MMP26: variants seen among roughly 807,000 people sequenced by gnomAD.
MMP26 encodes matrix metalloproteinase-26.
In MMP26, 33 loss-of-function variants were observed where a neutral mutation model predicts 31.0. The ratio of observed to expected loss-of-function variants is 1.06; its 90% confidence interval spans 0.81 to 1.42. The LOEUF (loss-of-function observed/expected upper bound fraction) is 1.42, where lower values mean the gene tolerates loss of function less well. MMP26 is among the 40% of genes most tolerant of loss of function. The probability of loss-of-function intolerance (pLI) is 0.00; values close to 1 mark genes in which losing one functional copy is unlikely to be tolerated. For synonymous variants in MMP26, 122 were observed against 114.9 expected, an observed-to-expected ratio of 1.06 and a Z score of -0.40; for missense variants, 347 against 316.1, an observed-to-expected ratio of 1.10 and a Z score of -0.74.
At chr11:4,731,754 A>C (rs1750421574) in intron 1 of MMP26, among the ~76,000 whole-genome samples, 1 of 152,202 alleles carries the variant, frequency 6.6e-6, no homozygotes, top group Non-Finnish European at 1.5e-5. Context: ...ATTTCCTGTC[A>C]ATTCATAGCC....
At chr11:4,923,783 A>G (rs1851223017) in intron 2 of MMP26, 1 of 1,614,064 alleles carries the variant, frequency 6.2e-7, no homozygotes, top group Non-Finnish European at 8.5e-7. Flanking sequence ...CAGCTTCATG[A>G]TCTCCAGGTG....
intron 2 of MMP26, chr11:4,848,189 C>G (rs1260567321): frequency 1.9e-6 from 3 of 1,539,056 alleles, no homozygotes; most frequent in Admixed American, 4.1e-5. Flanking sequence ...CTCACAGAAA[C>G]TTTAGTATCA....
intron 2 of MMP26, among the ~76,000 whole-genome samples, chr11:4,793,110 AC>A (rs1417668413): frequency 6.6e-6 from 1 of 152,214 alleles, no homozygotes; most frequent in Non-Finnish European, 1.5e-5. Context: ...AGCAGTATCT[AC>A]AACAAGACTA....
At chr11:4,942,058 C>G (rs1846215558) in intron 2 of MMP26, among the ~76,000 whole-genome samples, 1 of 110,050 alleles carries the variant, frequency 9.1e-6, no homozygotes, top group East Asian at 2.7e-4. Flanking sequence ...GTGCTCTGCT[C>G]CAGCCTGGGC....
intron 2 of MMP26, among the ~76,000 whole-genome samples, chr11:4,942,110 A>AAAAAAG (rs1846218904): frequency 7.2e-6 from 1 of 138,594 alleles, no homozygotes; most frequent in South Asian, 2.4e-4. Context: ...AAAAAAAAAA[A>AAAAAAG]GGAAGTAAAA....
chr11:4,804,964 C>CT (rs1564913984), intron 2 of MMP26, among the ~76,000 whole-genome samples: 3 of 146,240 alleles, frequency 2.1e-5, no homozygotes, highest in Non-Finnish European at 4.5e-5. Context: ...AGCGAAACCG[C>CT]CTCAAAAAAA....
At chr11:4,863,485 A>T (rs1044350802) in intron 2 of MMP26, 1 of 152,146 alleles carries the variant, frequency 6.6e-6, no homozygotes, top group African/African-American at 2.4e-5. Context: ...TCTATACACT[A>T]TTCTCATCTG....
intron 1 of MMP26, among the ~76,000 whole-genome samples, chr11:4,743,555 G>C (rs1589888751): frequency 6.6e-6 from 1 of 152,006 alleles, no homozygotes; most frequent in African/African-American, 2.4e-5. Context: ...AATCTCTTTA[G>C]GGAAATTAAT....
At chr11:4,788,855 G>A (rs971274936) in intron 2 of MMP26, among the ~76,000 whole-genome samples, 3 of 152,146 alleles carry the variant, frequency 2.0e-5, no homozygotes, top group African/African-American at 7.2e-5. Flanking sequence ...AATGTTGTCA[G>A]CATGTATTGA....
At chr11:4,856,559 C>G (rs1217789000) in intron 2 of MMP26, among the ~76,000 whole-genome samples, 1 of 152,176 alleles carries the variant, frequency 6.6e-6, no homozygotes, top group African/African-American at 2.4e-5. Flanking sequence ...CAGGAGCACC[C>G]AGATTCATAA....
intron 2 of MMP26, among the ~76,000 whole-genome samples, chr11:4,774,544 T>C (rs773458017): frequency 1.3e-5 from 2 of 152,146 alleles, no homozygotes; most frequent in Non-Finnish European, 2.9e-5. Context: ...GTTGGATGAA[T>C]AGATGGCAAA....
chr11:4,774,980 G>T (rs1848771914), intron 2 of MMP26, among the ~76,000 whole-genome samples: 1 of 152,018 alleles, frequency 6.6e-6, no homozygotes, highest in East Asian at 1.9e-4. Context: ...CTGATCCATT[G>T]GTCTATGTGT....
intron 1 of MMP26, among the ~76,000 whole-genome samples, chr11:4,754,234 C>T (rs1255052322): frequency 6.6e-6 from 1 of 151,470 alleles, no homozygotes; most frequent in Non-Finnish European, 1.5e-5. Context: ...GGGCTATTAA[C>T]AACTATACTA....
intron 2 of MMP26, among the ~76,000 whole-genome samples, chr11:4,854,225 G>A (rs1360122015): frequency 1.3e-5 from 2 of 152,178 alleles, no homozygotes; most frequent in East Asian, 1.9e-4. Context: ...GTTGGACAGT[G>A]GGTGCAGGCC....
At chr11:4,878,429 T>A (rs1424280087) in intron 2 of MMP26, among the ~76,000 whole-genome samples, 1 of 152,122 alleles carries the variant, frequency 6.6e-6, no homozygotes, top group Admixed American at 6.6e-5. Flanking sequence ...AGAAAAAATA[T>A]TAAAAATAAA....
At chr11:4,851,344 G>A (rs1238633511) in intron 2 of MMP26, among the ~76,000 whole-genome samples, 1 of 152,122 alleles carries the variant, frequency 6.6e-6, no homozygotes, top group Non-Finnish European at 1.5e-5. Flanking sequence ...AATAGGGAGG[G>A]CCAGCAACTC....
At chr11:4,710,741 T>C (rs1847851999) in intron 1 of MMP26, 2 of 238,864 alleles carry the variant, frequency 8.4e-6, no homozygotes, top group African/African-American at 4.5e-5. Context: ...CCTAGCACAG[T>C]ATAGGACCAC....
At chr11:4,927,416 A>C (rs1351145385) in intron 2 of MMP26, among the ~76,000 whole-genome samples, 2 of 152,172 alleles carry the variant, frequency 1.3e-5, no homozygotes, top group Non-Finnish European at 2.9e-5. Flanking sequence ...AATGATAAAC[A>C]TGACTTTTAC....
chr11:4,815,994 T>C (rs1427631445), intron 2 of MMP26, among the ~76,000 whole-genome samples: 1 of 152,240 alleles, frequency 6.6e-6, no homozygotes, highest in Non-Finnish European at 1.5e-5. Context: ...TCTACTCTTT[T>C]TGATGTAGGC....
Sources: allele counts gnomAD v4.1 joint callset (sites outside exome capture counted in the v4.1 genomes callset), GRCh38; gene constraint gnomAD v4.1.1; transcripts MANE v1.5; gene names NCBI Gene and HGNC (gene_info 2026-07-23, HGNC 2026-07-21).